ME3: variants seen among roughly 807,000 people sequenced by gnomAD.
ME3 encodes NADP-dependent malic enzyme, mitochondrial.
ME3 carries 48 observed loss-of-function variants against 68.9 expected under a neutral mutation model. That is an observed-to-expected ratio of 0.70 (90% confidence interval 0.55 to 0.89). The LOEUF is 0.89. Ranked by LOEUF, ME3 falls within the 40% of genes least tolerant of loss-of-function variation. ME3 has a pLI of 0.00. For synonymous variants in ME3, 320 were observed against 318.8 expected (o/e 1.00, Z -0.04); for missense variants, 675 against 797.4 (o/e 0.85, Z 1.85).
chr11:86,618,434 A>T (rs7938901), intron 2 of ME3, among the ~76,000 whole-genome samples: 39,073 of 151,866 alleles, frequency 0.26, 5,310 homozygotes, highest in African/African-American at 0.34. Context: ...TAATACAAGG[A>T]TTAAATGAGA....
chr11:86,573,708 C>T (rs868133815), intron 2 of ME3, among the ~76,000 whole-genome samples: 16 of 150,560 alleles, frequency 1.1e-4, no homozygotes, highest in African/African-American at 4.0e-4. Flanking sequence ...TGTCTTGTGT[C>T]GGTTTTCAAA....
At chr11:86,448,158 G>C (rs1333144492) in exon 11 of ME3, 2 of 1,611,810 alleles carry the variant, frequency 1.2e-6, no homozygotes, top group Non-Finnish European at 1.7e-6. Flanking sequence ...ACCTATGATG[G>C]CTGTGGGCTT....
chr11:86,545,106 T>G (rs1471162730), intron 4 of ME3, among the ~76,000 whole-genome samples: 2 of 138,912 alleles, frequency 1.4e-5, no homozygotes, highest in Admixed American at 7.0e-5. Context: ...AGAAAAGGCC[T>G]TCGATAAAAT....
At chr11:86,547,567 A>G (rs940334636) in intron 4 of ME3, among the ~76,000 whole-genome samples, 1 of 152,170 alleles carries the variant, frequency 6.6e-6, no homozygotes, top group Non-Finnish European at 1.5e-5. Context: ...CCACCATGGC[A>G]TGTGTATACC....
intron 2 of ME3, among the ~76,000 whole-genome samples, chr11:86,567,695 A>T (rs948588919): frequency 1.3e-5 from 2 of 152,228 alleles, no homozygotes; most frequent in Non-Finnish European, 2.9e-5. Flanking sequence ...TTCAGGGATT[A>T]CAAGATAATA....
intron 2 of ME3, among the ~76,000 whole-genome samples, chr11:86,655,462 A>T (rs996912138): frequency 4.6e-5 from 7 of 152,154 alleles, no homozygotes; most frequent in African/African-American, 1.7e-4. Flanking sequence ...CAATTATCTG[A>T]TCTTTGACAA....
intron 8 of ME3, among the ~76,000 whole-genome samples, chr11:86,453,006 G>A (rs4944582): frequency 7.1e-6 from 1 of 141,622 alleles, no homozygotes; most frequent in African/African-American, 2.5e-5. Flanking sequence ...TTTTGTTTTT[G>A]TTTTTAATTT....
intron 4 of ME3, among the ~76,000 whole-genome samples, chr11:86,537,302 G>A (rs758289352): frequency 1.3e-5 from 2 of 151,056 alleles, no homozygotes; most frequent in Non-Finnish European, 2.9e-5. Flanking sequence ...AAAACAGTTC[G>A]AAGTGCTACA....
intron 2 of ME3, among the ~76,000 whole-genome samples, chr11:86,610,185 AG>A: frequency 6.6e-6 from 1 of 152,320 alleles, no homozygotes; most frequent in Non-Finnish European, 1.5e-5. Flanking sequence ...TGATTACATT[AG>A]GGGTGATGAA....
chr11:86,606,939 C>T (rs1961751718), intron 2 of ME3, among the ~76,000 whole-genome samples: 1 of 152,142 alleles, frequency 6.6e-6, no homozygotes, highest in Admixed American at 6.6e-5. Flanking sequence ...GGATTCAATG[C>T]CAAACTAGGC....
At chr11:86,441,480 G>A (rs779327572) in intron 14 of ME3, 40 bp from the exon 15 acceptor site, 5 of 1,532,806 alleles carry the variant, frequency 3.3e-6, no homozygotes, top group Non-Finnish European at 4.4e-6. Context: ...CGGATCTAAG[G>A]GGAAACCTGC....
chr11:86,635,125 T>G (rs923821086), intron 2 of ME3, among the ~76,000 whole-genome samples: 1 of 152,148 alleles, frequency 6.6e-6, no homozygotes, highest in Non-Finnish European at 1.5e-5. Flanking sequence ...GGCAACATGA[T>G]GAAATCCCTA....
At chr11:86,550,069 C>CT (rs1956589429) in intron 4 of ME3, among the ~76,000 whole-genome samples, 1 of 152,216 alleles carries the variant, frequency 6.6e-6, no homozygotes, top group Non-Finnish European at 1.5e-5. Context: ...TTAGAGTCCT[C>CT]TGAAGAGCTT....
At chr11:86,506,736 C>G (rs1953105544) in intron 5 of ME3, among the ~76,000 whole-genome samples, 1 of 152,194 alleles carries the variant, frequency 6.6e-6, no homozygotes, top group Admixed American at 6.5e-5. Context: ...CTGAGTGCCT[C>G]CTATGTCCAA....
chr11:86,474,175 C>T (rs1950932898), intron 7 of ME3, among the ~76,000 whole-genome samples: 1 of 152,168 alleles, frequency 6.6e-6, no homozygotes, highest in Admixed American at 6.5e-5. Flanking sequence ...GGTCTGGCAG[C>T]CAGACTGGCA....
intron 2 of ME3, among the ~76,000 whole-genome samples, chr11:86,632,814 C>T (rs943703024): frequency 6.6e-6 from 1 of 152,190 alleles, no homozygotes; most frequent in African/African-American, 2.4e-5. Flanking sequence ...TGCAGTCACA[C>T]GAATCTCTCC....
intron 4 of ME3, among the ~76,000 whole-genome samples, chr11:86,530,461 C>T (rs1272095010): frequency 6.6e-6 from 1 of 152,304 alleles, no homozygotes; most frequent in East Asian, 1.9e-4. Context: ...CCCCATCAAG[C>T]TACCAATGAC....
chr11:86,671,888 G>GCAGGC lies in ME3; in HGVS notation c.52_56dup (p.Cys19TrpfsTer30). 6.6e-7 allele frequency: 1 copy of GCAGGC among 1,510,314 alleles called. No homozygotes were observed. The highest frequency in any genetic ancestry group is 8.8e-7 in the Non-Finnish European group (1 of 1,135,798). The allele number at this position is 1,510,314 out of a possible 1,614,324, so 93.6% of individuals were successfully genotyped here. On this transcript the variant is annotated frameshift_variant, in exon 2 of 15. Transcript: ENST00000543262. LOFTEE classifies it high-confidence loss of function. ...TGGGTGTCCAGCGCGGGAGGGCGCC[G>GCAGGC]CAGGCCCGGCCCGGCCAGGGAGCCA...
intron 2 of ME3, among the ~76,000 whole-genome samples, chr11:86,630,410 G>C (rs1030452973): frequency 2.6e-5 from 4 of 152,178 alleles, no homozygotes; most frequent in African/African-American, 9.7e-5. Context: ...AGCCTCTCCT[G>C]TATCCTTCAT....
Sources: gnomAD v4.1 joint callset for allele counts (sites outside exome capture counted in the v4.1 genomes callset) on GRCh38, gnomAD v4.1.1 for gene constraint, MANE v1.5 for transcripts, NCBI Gene and HGNC (gene_info 2026-07-23, HGNC 2026-07-21) for gene names.